TENM3: variants seen among roughly 807,000 people sequenced by gnomAD.
The protein encoded by TENM3 is teneurin transmembrane protein 3.
Under a neutral mutation model 255.1 loss-of-function variants are expected in TENM3, and 63 were observed. The observed-to-expected ratio is 0.25, with a 90% CI of 0.20 to 0.30. The LOEUF is 0.30. TENM3 is among the 10% of genes least tolerant of loss of function. The pLI, the probability that TENM3 is intolerant of heterozygous loss-of-function variation, is 1.00. For missense variants in TENM3, 2,929 were observed against 3,461.1 expected, an observed-to-expected ratio of 0.85 and a Z score of 3.86; for synonymous variants, 1,306 against 1,322.3, an observed-to-expected ratio of 0.99 and a Z score of 0.27.
rs541632190 is a variant in TENM3 at position 182,755,576 on chromosome 4, C to T, written c.4892+317C>T. ...AAAAATGGCCGGGCGCAGTGGCTCA[C>T]GCCTGTAATCCCAGCACTTTGGGAG... On this transcript the variant is annotated intron_variant, in intron 22 of 27. Transcript: ENST00000511685. Among the ~76,000 whole-genome samples the T allele has an allele frequency of 2.5e-3, 384 of 152,066 alleles. 5 individuals are homozygous for T. The highest frequency in any genetic ancestry group is 9.0e-3 in the African/African-American group (373 of 41,486).
the TENM3 span, among the ~76,000 whole-genome samples, chr4:181,481,869 A>G: frequency 6.6e-6 from 1 of 152,200 alleles, no homozygotes; most frequent in South Asian, 2.1e-4. Flanking sequence ...TTTGACATTT[A>G]AATTCATATA....
the TENM3 span, among the ~76,000 whole-genome samples, chr4:181,540,109 T>C: frequency 5.3e-5 from 8 of 151,952 alleles, no homozygotes; most frequent in African/African-American, 1.7e-4. Flanking sequence ...ATAGACGCCA[T>C]GATGAGAAGA....
the TENM3 span, among the ~76,000 whole-genome samples, chr4:181,855,946 AGAAG>A: frequency 2.0e-5 from 3 of 147,246 alleles, no homozygotes; most frequent in Non-Finnish European, 4.5e-5. Flanking sequence ...GGAAGAAGAA[AGAAG>A]GAAGGAACAA....
chr4:182,055,096 C>T, the TENM3 span, among the ~76,000 whole-genome samples: 3 of 152,148 alleles, frequency 2.0e-5, no homozygotes, highest in Non-Finnish European at 4.4e-5. Context: ...CCTTTAATCC[C>T]AGTACTTTGG....
intron 3 of TENM3, among the ~76,000 whole-genome samples, chr4:182,469,853 A>C (rs79681213): frequency 0.013 from 1,993 of 152,298 alleles, 20 homozygotes; most frequent in Non-Finnish European, 0.018. Context: ...TGTGATATCT[A>C]TGTAAAATCC....
chr4:182,499,170 T>A (rs1315671365), intron 3 of TENM3, among the ~76,000 whole-genome samples: 1 of 152,176 alleles, frequency 6.6e-6, no homozygotes, highest in Non-Finnish European at 1.5e-5. Context: ...ATTCCTCTGG[T>A]AAGGAAGAAG....
intron 3 of TENM3, among the ~76,000 whole-genome samples, chr4:182,531,310 G>T (rs886164543): frequency 6.6e-6 from 1 of 152,046 alleles, no homozygotes; most frequent in East Asian, 1.9e-4. Flanking sequence ...ATAGTAATGG[G>T]GACATAAAAT....
At chr4:182,227,385 C>T (rs1268008372) in intron 1 of TENM3, among the ~76,000 whole-genome samples, 3 of 152,162 alleles carry the variant, frequency 2.0e-5, no homozygotes, top group African/African-American at 7.2e-5. Context: ...GTATTCAAGG[C>T]CTCAAGCCTG....
chr4:181,641,142 C>A, the TENM3 span, among the ~76,000 whole-genome samples: 18 of 151,892 alleles, frequency 1.2e-4, no homozygotes, highest in African/African-American at 4.4e-4. Context: ...TATATTGGTA[C>A]CAATAACTGC....
chr4:182,510,163 A>G (rs916963437), intron 3 of TENM3, among the ~76,000 whole-genome samples: 4 of 152,172 alleles, frequency 2.6e-5, no homozygotes, highest in African/African-American at 9.7e-5. Context: ...CAGTCCCTTC[A>G]GTTGGATTAT....
intron 2 of TENM3, among the ~76,000 whole-genome samples, chr4:182,336,146 T>A (rs531736933): frequency 6.6e-6 from 1 of 152,318 alleles, no homozygotes; most frequent in Admixed American, 6.5e-5. Context: ...GTCTCACACA[T>A]GGAAGCCATG....
At chr4:181,712,653 G>T in the TENM3 span, among the ~76,000 whole-genome samples, 1 of 151,928 alleles carries the variant, frequency 6.6e-6, no homozygotes, top group African/African-American at 2.4e-5. Flanking sequence ...TTTATTTTTC[G>T]CTCTCTTGGG....
rs544121828 is a variant in TENM3 at position 182,480,598 on chromosome 4, C to T, written c.512-120326C>T. ...TATATTTAATTTTAAAAAGTGTCTT[C>T]GTAAAGATGAAAAGTTAAAATTTGG... On this transcript the variant is annotated intron_variant, in intron 3 of 27. Transcript: ENST00000511685. 2.0e-4 allele frequency among the ~76,000 whole-genome samples: 31 copies of T among 152,042 alleles called. 1 individual carries two copies. In the South Asian group the frequency reaches 6.0e-3, roughly 29 times the overall value.
At chr4:182,280,461 A>C (rs567124660) in intron 1 of TENM3, among the ~76,000 whole-genome samples, 1 of 152,224 alleles carries the variant, frequency 6.6e-6, no homozygotes, top group Non-Finnish European at 1.5e-5. Context: ...TTGACAGTTT[A>C]TCTCTTACTC....
the TENM3 span, among the ~76,000 whole-genome samples, chr4:181,919,055 A>G: frequency 1.3e-5 from 2 of 152,172 alleles, no homozygotes; most frequent in Non-Finnish European, 2.9e-5. Flanking sequence ...AACCACCTCA[A>G]AGGTATGAAA....
At chr4:182,604,347 T>C (rs188757564) in intron 4 of TENM3, among the ~76,000 whole-genome samples, 1 of 152,342 alleles carries the variant, frequency 6.6e-6, no homozygotes, top group East Asian at 1.9e-4. Context: ...TAACAATCGG[T>C]CCCTATGTAT....
the TENM3 span, among the ~76,000 whole-genome samples, chr4:181,585,078 A>G: frequency 6.6e-6 from 1 of 151,652 alleles, no homozygotes; most frequent in Non-Finnish European, 1.5e-5. Context: ...TGTACATATG[A>G]TGCGATCACT....
At chr4:181,758,431 C>A in the TENM3 span, among the ~76,000 whole-genome samples, 8 of 152,266 alleles carry the variant, frequency 5.3e-5, no homozygotes, top group East Asian at 1.5e-3. Flanking sequence ...GGATGCAGAT[C>A]AGAGCCTTTA....
chr4:182,648,638 A>G (rs1043436450), intron 5 of TENM3, among the ~76,000 whole-genome samples: 1 of 152,194 alleles, frequency 6.6e-6, no homozygotes, highest in Non-Finnish European at 1.5e-5. Context: ...ATGGATCGCA[A>G]TAAGTGAACA....
Sources: allele counts gnomAD v4.1 joint callset (sites outside exome capture counted in the v4.1 genomes callset), GRCh38; gene constraint gnomAD v4.1.1; transcripts MANE v1.5; gene names NCBI Gene and HGNC (gene_info 2026-07-23, HGNC 2026-07-21).